The following DLGAP2 variants were observed in gnomAD, a reference collection of about 807,000 sequenced individuals.
DLGAP2 encodes the protein disks large-associated protein 2.
A neutral mutation model predicts 100.3 loss-of-function variants in DLGAP2; 26 were observed. The ratio of observed to expected loss-of-function variants is 0.26; its 90% CI spans 0.19 to 0.36. The LOEUF is 0.36. Ranked by LOEUF, DLGAP2 falls within the 10% of genes least tolerant of loss-of-function variation. The pLI is 1.00. For synonymous variants in DLGAP2, 886 were observed against 630.1 expected (o/e 1.41, Z -6.08); for missense variants, 1,858 against 1,453.2 (o/e 1.28, Z -4.53).
At position 1,057,046 on chromosome 8, in the gene DLGAP2, C is replaced by T. The variant is rs538921167; in HGVS notation, c.73+149080C>T. 5.7e-4 allele frequency among the ~76,000 whole-genome samples: 87 copies of T among 152,294 alleles called. No homozygotes were observed. The South Asian group carries it at 0.011, about 19-fold the overall frequency. ...TGGACCCACCAGAATAATCCACACCCGCAGTTTGAGGAACTACTGTGAGAT... is the reference window on the plus strand; with the variant it reads ...TGGACCCACCAGAATAATCCACACCTGCAGTTTGAGGAACTACTGTGAGAT... On this transcript the variant is annotated intron_variant, in intron 2 of 14. Transcript: ENST00000637795.
intron 4 of DLGAP2, among the ~76,000 whole-genome samples, chr8:1,504,996 A>G (rs1799856143): frequency 6.6e-6 from 1 of 152,184 alleles, no homozygotes; most frequent in South Asian, 2.1e-4. Flanking sequence ...AAAGCAAAAA[A>G]CACAAAAAGA....
chr8:1,278,217 A>C (rs902416875), intron 3 of DLGAP2, among the ~76,000 whole-genome samples: 3 of 152,088 alleles, frequency 2.0e-5, no homozygotes. Flanking sequence ...CAAGCCACTC[A>C]CTCCCTTGGA....
At chr8:964,614 G>A (rs1382650502) in intron 2 of DLGAP2, among the ~76,000 whole-genome samples, 1 of 152,232 alleles carries the variant, frequency 6.6e-6, no homozygotes, top group African/African-American at 2.4e-5. Context: ...GCAAGTGTCT[G>A]TCCCATCCTG....
chr8:1,526,807 C>T (rs532320664), intron 4 of DLGAP2, among the ~76,000 whole-genome samples: 3 of 152,200 alleles, frequency 2.0e-5, no homozygotes, highest in Non-Finnish European at 2.9e-5. Context: ...TTCCCAGAGA[C>T]TCCCCTACGT....
intron 3 of DLGAP2, among the ~76,000 whole-genome samples, chr8:1,292,784 G>A (rs548408957): frequency 6.6e-6 from 1 of 151,942 alleles, no homozygotes. Flanking sequence ...TTCCACTCAT[G>A]TCACCCCTCT....
intron 2 of DLGAP2, among the ~76,000 whole-genome samples, chr8:1,012,068 A>G (rs1410461367): frequency 6.6e-6 from 1 of 152,148 alleles, no homozygotes; most frequent in Non-Finnish European, 1.5e-5. Flanking sequence ...GGTCCTTCAC[A>G]TGCATGGCCC....
At chr8:1,223,360 C>G (rs1367188562) in intron 2 of DLGAP2, among the ~76,000 whole-genome samples, 3 of 152,168 alleles carry the variant, frequency 2.0e-5, no homozygotes, top group African/African-American at 4.8e-5. Flanking sequence ...GTGCATGGAG[C>G]CAGCCATCTT....
intron 3 of DLGAP2, among the ~76,000 whole-genome samples, chr8:1,370,214 G>A (rs1270774530): frequency 1.3e-5 from 2 of 152,080 alleles, no homozygotes; most frequent in African/African-American, 2.4e-5. Context: ...CAGAGTGGCC[G>A]ACTCTGAAGG....
intron 3 of DLGAP2, among the ~76,000 whole-genome samples, chr8:1,347,959 A>G (rs868754238): frequency 3.9e-4 from 54 of 138,540 alleles, no homozygotes; most frequent in African/African-American, 1.3e-3. Context: ...ATACAGAGCT[A>G]CATTGCACTC....
At chr8:1,232,881 C>T (rs546435251) in intron 2 of DLGAP2, among the ~76,000 whole-genome samples, 4 of 152,344 alleles carry the variant, frequency 2.6e-5, no homozygotes, top group South Asian at 2.1e-4. Flanking sequence ...CAGCCATCGC[C>T]ATAATCTAAT....
intron 2 of DLGAP2, among the ~76,000 whole-genome samples, chr8:1,134,481 C>T (rs1203605157): frequency 7.4e-6 from 1 of 134,498 alleles, no homozygotes; most frequent in Non-Finnish European, 1.6e-5. Flanking sequence ...TTTTCTGCCA[C>T]CTTGTAAGCA....
chr8:1,097,802 A>C (rs1804435026), intron 2 of DLGAP2, among the ~76,000 whole-genome samples: 1 of 131,206 alleles, frequency 7.6e-6, no homozygotes, highest in Non-Finnish European at 1.6e-5. Context: ...CGTGAGACCC[A>C]CCTCCCTCTG....
At chr8:1,495,703 G>A (rs571002145) in intron 3 of DLGAP2, among the ~76,000 whole-genome samples, 4 of 152,268 alleles carry the variant, frequency 2.6e-5, no homozygotes, top group East Asian at 3.9e-4. Flanking sequence ...GATTGCAGAC[G>A]CTCATCGTCT....
At chr8:1,412,546 G>A (rs1796762494) in intron 3 of DLGAP2, among the ~76,000 whole-genome samples, 1 of 152,140 alleles carries the variant, frequency 6.6e-6, no homozygotes, top group African/African-American at 2.4e-5. Context: ...TGTATCCTTG[G>A]TAAGCCCCAG....
intron 2 of DLGAP2, among the ~76,000 whole-genome samples, chr8:1,006,952 C>T (rs1477866643): frequency 6.1e-5 from 9 of 148,190 alleles, no homozygotes; most frequent in South Asian, 4.3e-4. Context: ...TCCTTTATCA[C>T]GTCGGGGACA....
intron 3 of DLGAP2, among the ~76,000 whole-genome samples, chr8:1,453,135 G>A (rs1192710761): frequency 1.3e-5 from 2 of 151,970 alleles, no homozygotes; most frequent in African/African-American, 4.8e-5. Flanking sequence ...CCAGGAAGGG[G>A]AACGTCGCAG....
chr8:1,333,640 C>G (rs1045417295), intron 3 of DLGAP2, among the ~76,000 whole-genome samples: 1 of 152,208 alleles, frequency 6.6e-6, no homozygotes, highest in Non-Finnish European at 1.5e-5. Context: ...GAGAAAGGCA[C>G]TCGGAGGTAA....
intron 8 of DLGAP2, 122 bp downstream of exon 8, chr8:1,633,168 G>T: frequency 1.1e-6 from 1 of 891,822 alleles, no homozygotes. Flanking sequence ...ATCTAGTAAC[G>T]TTTCCTAATT....
At chr8:778,698 T>A (rs1017420859) in intron 1 of DLGAP2, among the ~76,000 whole-genome samples, 5 of 152,194 alleles carry the variant, frequency 3.3e-5, no homozygotes, top group Admixed American at 6.5e-5. Context: ...GTCTGCCCCT[T>A]CTCAGATCTC....
Sources: allele counts gnomAD v4.1 joint callset (sites outside exome capture counted in the v4.1 genomes callset), GRCh38; gene constraint gnomAD v4.1.1; transcripts MANE v1.5; gene names NCBI Gene and HGNC (gene_info 2026-07-23, HGNC 2026-07-21).